AOAH: variants seen among roughly 807,000 people sequenced by gnomAD.
AOAH encodes the protein acyloxyacyl hydrolase (neutrophil).
Under a neutral mutation model 92.2 loss-of-function variants are expected in AOAH, and 64 were observed. The ratio of observed to expected loss-of-function variants is 0.69; its 90% CI spans 0.57 to 0.86. The LOEUF is 0.86. Among genes scored for constraint, AOAH ranks in the 40% least tolerant of loss-of-function variants. The pLI is 0.00. For synonymous variants in AOAH, 263 were observed against 254.5 expected (o/e 1.03, Z -0.32); for missense variants, 656 against 694.6 (o/e 0.94, Z 0.62).
chr7:36,653,540 T>TC lies in AOAH; in HGVS notation c.390+5625dup, dbSNP rs1485876372. Among the ~76,000 whole-genome samples, 3 of 152,168 alleles carry TC rather than the reference T, an allele frequency of 2.0e-5. No homozygotes were observed. In the East Asian group the frequency reaches 5.8e-4, roughly 29 times the overall value. ...TATGATTCCCTGTGCATACACACCC[T>TC]CCCCCACACTCAGCATCAGAGAGCT... On this transcript the variant is annotated intron_variant, in intron 4 of 20. Coordinates refer to ENST00000617537, the MANE Select transcript of AOAH (RefSeq NM_001637.4).
At chr7:36,576,308 T>TG (rs1788495009) in intron 13 of AOAH, among the ~76,000 whole-genome samples, 1 of 152,220 alleles carries the variant, frequency 6.6e-6, no homozygotes, top group African/African-American at 2.4e-5. Flanking sequence ...TCCTGTGCCT[T>TG]GGCCTTGCTA....
At chr7:36,560,776 A>C (rs893267165) in intron 13 of AOAH, among the ~76,000 whole-genome samples, 1 of 152,238 alleles carries the variant, frequency 6.6e-6, no homozygotes, top group African/African-American at 2.4e-5. Context: ...TATGCTGAAC[A>C]GGAGTGATGA....
intron 13 of AOAH, 106 bp from the exon 14 acceptor site, chr7:36,549,581 G>C (rs187897689): frequency 1.3e-6 from 1 of 756,362 alleles, no homozygotes; most frequent in Non-Finnish European, 2.2e-6. Flanking sequence ...ATTACTGTTC[G>C]GGCAAAGGTT....
intron 11 of AOAH, among the ~76,000 whole-genome samples, chr7:36,612,145 C>CAT (rs1791503406): frequency 1.3e-5 from 2 of 151,536 alleles, no homozygotes; most frequent in South Asian, 4.2e-4. Flanking sequence ...TTGGTACACA[C>CAT]ATAATACAAA....
At chr7:36,541,033 C>T (rs555074058) in intron 15 of AOAH, among the ~76,000 whole-genome samples, 76 of 152,306 alleles carry the variant, frequency 5.0e-4, no homozygotes, top group Non-Finnish European at 8.8e-4. Flanking sequence ...TTTGACACTT[C>T]GAGGTCTATA....
intron 20 of AOAH, among the ~76,000 whole-genome samples, chr7:36,514,317 G>A (rs1790211215): frequency 7.0e-6 from 1 of 143,642 alleles, no homozygotes; most frequent in African/African-American, 2.5e-5. Flanking sequence ...GGAACTACAG[G>A]TGCCTGGGAG....
At chr7:36,617,691 G>A (rs944352729) in intron 10 of AOAH, among the ~76,000 whole-genome samples, 1 of 152,250 alleles carries the variant, frequency 6.6e-6, no homozygotes, top group African/African-American at 2.4e-5. Context: ...GGCATCACCA[G>A]GAGCATATTT....
chr7:36,528,989 T>A (rs1435710534), intron 19 of AOAH, among the ~76,000 whole-genome samples: 1 of 152,178 alleles, frequency 6.6e-6, no homozygotes, highest in African/African-American at 2.4e-5. Context: ...TGGGTGGTGT[T>A]GATTTTGCTT....
chr7:36,667,223 T>C (rs1220550482), intron 3 of AOAH, among the ~76,000 whole-genome samples: 1 of 152,210 alleles, frequency 6.6e-6, no homozygotes, highest in Non-Finnish European at 1.5e-5. Context: ...AATTTTAAAT[T>C]GCATGCTGTT....
At chr7:36,525,505 T>C (rs894268171) in intron 19 of AOAH, among the ~76,000 whole-genome samples, 3 of 152,228 alleles carry the variant, frequency 2.0e-5, no homozygotes, top group African/African-American at 7.2e-5. Flanking sequence ...CTGAAAACTA[T>C]GGCCCTTAGA....
At chr7:36,605,212 C>G (rs1012910451) in intron 11 of AOAH, among the ~76,000 whole-genome samples, 9 of 152,290 alleles carry the variant, frequency 5.9e-5, no homozygotes, top group African/African-American at 2.2e-4. Context: ...TGCCTACTCC[C>G]ACTCCTCCTA....
At chr7:36,661,832 T>A (rs1795230064) in intron 3 of AOAH, among the ~76,000 whole-genome samples, 1 of 152,188 alleles carries the variant, frequency 6.6e-6, no homozygotes, top group South Asian at 2.1e-4. Flanking sequence ...GATGCCCATT[T>A]CACAGACTCA....
At chr7:36,701,872 G>T (rs1439362080) in intron 1 of AOAH, among the ~76,000 whole-genome samples, 2 of 151,736 alleles carry the variant, frequency 1.3e-5, no homozygotes, top group African/African-American at 4.8e-5. Context: ...CTGTTTTGTG[G>T]GAAACAAGTA....
chr7:36,701,146 T>G (rs1257171120), intron 1 of AOAH, among the ~76,000 whole-genome samples: 3 of 152,030 alleles, frequency 2.0e-5, no homozygotes, highest in African/African-American at 7.2e-5. Context: ...TGTTGATTTC[T>G]AATTTAATTT....
intron 3 of AOAH, among the ~76,000 whole-genome samples, chr7:36,672,476 C>T (rs1023836098): frequency 3.9e-5 from 6 of 152,202 alleles, no homozygotes; most frequent in African/African-American, 1.4e-4. Context: ...TTGCAGGACA[C>T]GGATGAAGCT....
chr7:36,538,835 G>A (rs1433984732), intron 16 of AOAH, among the ~76,000 whole-genome samples: 3 of 152,216 alleles, frequency 2.0e-5, no homozygotes, highest in Non-Finnish European at 4.4e-5. Context: ...AGGTGAGGCT[G>A]TACAGTGTTT....
At position 36,631,469 on chromosome 7, in the gene AOAH, C is replaced by T. The variant is rs373193035; in HGVS notation, c.521+567G>A. On this transcript the variant is annotated intron_variant, in intron 6 of 20. Transcript: ENST00000617537. ...TTAATGTTTTGAACAGCAGTTACCACGATGTCTAGCATAACCCCAGACTCA... is the reference window on the plus strand; with the variant it reads ...TTAATGTTTTGAACAGCAGTTACCATGATGTCTAGCATAACCCCAGACTCA... Among the ~76,000 whole-genome samples the T allele has an allele frequency of 2.3e-4, 35 of 152,238 alleles. No homozygotes were observed. In the East Asian group the frequency reaches 5.4e-3, roughly 23 times the overall value.
At chr7:36,571,214 G>A (rs1374353793) in intron 13 of AOAH, among the ~76,000 whole-genome samples, 1 of 152,194 alleles carries the variant, frequency 6.6e-6, no homozygotes, top group African/African-American at 2.4e-5. Flanking sequence ...ACAGGGGTAG[G>A]AGACAGTTCA....
intron 16 of AOAH, among the ~76,000 whole-genome samples, 159 bp from the exon 17 acceptor site, chr7:36,532,503 C>T (rs751914160): frequency 6.6e-6 from 1 of 152,298 alleles, no homozygotes; most frequent in East Asian, 1.9e-4. Context: ...CCTGTGCTTT[C>T]CTCCTTTCTG....
Sources: allele counts gnomAD v4.1 joint callset (sites outside exome capture counted in the v4.1 genomes callset), GRCh38; gene constraint gnomAD v4.1.1; transcripts MANE v1.5; gene names NCBI Gene and HGNC (gene_info 2026-07-23, HGNC 2026-07-21).